The following PSD3 variants were observed in gnomAD, a reference collection of about 807,000 sequenced individuals.
PSD3 encodes the protein pleckstrin and Sec7 domain containing 3.
A neutral mutation model predicts 105.5 loss-of-function variants in PSD3; 49 were observed. The observed-to-expected ratio is 0.46, with a 90% CI of 0.37 to 0.59. PSD3 has a LOEUF of 0.59. Among genes scored for constraint, PSD3 ranks in the 20% least tolerant of loss-of-function variants. PSD3 has a pLI of 0.00. For missense variants in PSD3, 1,561 were observed against 1,263.8 expected (o/e 1.24, Z -3.57); for synonymous variants, 557 against 457.8 (o/e 1.22, Z -2.77).
chr8:18,808,735 T>C (rs1229329561), intron 4 of PSD3: 2 of 1,613,942 alleles, frequency 1.2e-6, no homozygotes, highest in South Asian at 2.2e-5. Context: ...CTTGACAATA[T>C]GATGGCAATA....
chr8:18,610,135 T>A (rs1262749000), intron 11 of PSD3, among the ~76,000 whole-genome samples: 1 of 152,244 alleles, frequency 6.6e-6, no homozygotes, highest in Admixed American at 6.5e-5. Flanking sequence ...AAAGGATGCT[T>A]TGTCAACTCT....
intron 8 of PSD3, among the ~76,000 whole-genome samples, chr8:18,765,765 G>A (rs896123129): frequency 2.6e-5 from 4 of 151,918 alleles, no homozygotes; most frequent in African/African-American, 2.4e-5. Flanking sequence ...CAGAAAGCCC[G>A]TCCACTACTA....
intron 1 of PSD3, among the ~76,000 whole-genome samples, chr8:19,075,484 T>C (rs145491094): frequency 7.2e-4 from 110 of 152,370 alleles, no homozygotes; most frequent in African/African-American, 2.5e-3. Flanking sequence ...TATTCTTTCC[T>C]AATGAATTAT....
At chr8:18,934,148 T>C (rs996755692) in intron 2 of PSD3, among the ~76,000 whole-genome samples, 1 of 152,214 alleles carries the variant, frequency 6.6e-6, no homozygotes, top group Non-Finnish European at 1.5e-5. Context: ...AGTTATTAAA[T>C]AATCCCATCT....
intron 9 of PSD3, chr8:18,733,201 A>G (rs192211975): frequency 3.9e-5 from 6 of 152,354 alleles, no homozygotes; most frequent in Non-Finnish European, 8.8e-5. Flanking sequence ...AGGATTTGGT[A>G]CCAGGTAAAC....
At chr8:19,046,482 TATTC>T (rs1828324263) in intron 1 of PSD3, among the ~76,000 whole-genome samples, 1 of 152,198 alleles carries the variant, frequency 6.6e-6, no homozygotes, top group African/African-American at 2.4e-5. Flanking sequence ...GGCCATCACT[TATTC>T]ATTCAACAAA....
intron 15 of PSD3, among the ~76,000 whole-genome samples, chr8:18,546,302 G>C (rs1800447839): frequency 6.6e-6 from 1 of 152,122 alleles, no homozygotes; most frequent in South Asian, 2.1e-4. Flanking sequence ...CAGCCTTGAA[G>C]TAATTTTAAA....
chr8:18,905,608 C>T (rs1451742352), intron 2 of PSD3, among the ~76,000 whole-genome samples: 2 of 152,218 alleles, frequency 1.3e-5, no homozygotes, highest in African/African-American at 4.8e-5. Flanking sequence ...AGGCGTGAGC[C>T]ACCACACCCG....
chr8:18,897,819 A>G (rs1463496150), intron 2 of PSD3, among the ~76,000 whole-genome samples: 1 of 152,154 alleles, frequency 6.6e-6, no homozygotes, highest in East Asian at 1.9e-4. Flanking sequence ...ATGTTGGTAT[A>G]TAGAAACACC....
chr8:19,024,678 T>C (rs912882629), intron 1 of PSD3, among the ~76,000 whole-genome samples: 20 of 152,082 alleles, frequency 1.3e-4, no homozygotes, highest in Non-Finnish European at 2.5e-4. Flanking sequence ...GGTAGAACTT[T>C]CAGCCACACA....
At chr8:18,663,187 G>A (rs534133258) in intron 9 of PSD3, among the ~76,000 whole-genome samples, 2 of 152,242 alleles carry the variant, frequency 1.3e-5, no homozygotes, top group African/African-American at 4.8e-5. Context: ...CAGCACTTTG[G>A]GAGCCGCAGA....
At position 18,599,425 on chromosome 8, in the gene PSD3, T is replaced by G. The variant is rs138548446; in HGVS notation, c.2481+939A>C. Among the ~76,000 whole-genome samples the G allele has an allele frequency of 2.0e-4, 31 of 152,274 alleles. No individual in the cohort carries two copies. The East Asian group carries it at 5.8e-3, about 28-fold the overall frequency. On this transcript the variant is annotated intron_variant, in intron 12 of 15. Coordinates refer to ENST00000327040, the MANE Select transcript of PSD3 (RefSeq NM_015310.4). ...TCCACAAGAAATGAAATTAGGATCT[T>G]GAAGAGATATTTGCACCCCATGTTC...
intron 1 of PSD3, among the ~76,000 whole-genome samples, chr8:19,055,728 G>A (rs894364704): frequency 2.0e-4 from 31 of 152,076 alleles, no homozygotes; most frequent in Admixed American, 1.7e-3. Flanking sequence ...TAAGACAAGT[G>A]CACTGAAATG....
chr8:18,752,499 AT>A (rs1805586495), intron 9 of PSD3, among the ~76,000 whole-genome samples: 8 of 18,842 alleles, frequency 4.2e-4, no homozygotes, highest in African/African-American at 9.5e-4. Flanking sequence ...TATAATATAT[AT>A]AATATATATA....
In PSD3 at chr8:19,053,823, G is replaced by A. The variant is rs536917357; in HGVS notation, c.324+30383C>T. Among the ~76,000 whole-genome samples the A allele has an allele frequency of 1.2e-4, 19 of 152,268 alleles. 1 individual carries two copies. In the South Asian group the frequency reaches 3.1e-3, roughly 25 times the overall value. On this transcript the variant is annotated intron_variant, in intron 1 of 1. Coordinates refer to the PSD3 transcript ENST00000521475. ...TCTGTTTTGTTCACTGCAGTATTCTGTATACCTAGAAAAGTGCCCGGAAGA... is the reference window on the plus strand; with the variant it reads ...TCTGTTTTGTTCACTGCAGTATTCTATATACCTAGAAAAGTGCCCGGAAGA...
At chr8:19,074,611 A>ATATATATATATATTTT (rs1324257417) in intron 1 of PSD3, among the ~76,000 whole-genome samples, 8 of 24,210 alleles carry the variant, frequency 3.3e-4, no homozygotes, top group East Asian at 2.1e-3. Flanking sequence ...ATATATATAT[A>ATATATATATATATTTT]TTTTTTTTTT....
chr8:18,907,430 C>T (rs1819917064), intron 2 of PSD3, among the ~76,000 whole-genome samples: 2 of 152,206 alleles, frequency 1.3e-5, no homozygotes, highest in African/African-American at 4.8e-5. Flanking sequence ...CCACCTTAGC[C>T]TCCCAAAGTT....
chr8:18,575,616 G>A (rs969142513), intron 12 of PSD3, among the ~76,000 whole-genome samples: 1 of 152,120 alleles, frequency 6.6e-6, no homozygotes, highest in East Asian at 1.9e-4. Flanking sequence ...ATAATGAACA[G>A]AAATGAGACT....
At chr8:18,940,540 T>C (rs1254272118) in intron 1 of PSD3, 2 of 152,230 alleles carry the variant, frequency 1.3e-5, no homozygotes, top group Admixed American at 1.3e-4. Context: ...TCCATTAACA[T>C]ACTCCACCTT....
Sources: gnomAD v4.1 joint callset for allele counts (sites outside exome capture counted in the v4.1 genomes callset) on GRCh38, gnomAD v4.1.1 for gene constraint, MANE v1.5 for transcripts, NCBI Gene and HGNC (gene_info 2026-07-23, HGNC 2026-07-21) for gene names.